The following PABIR3 variants were observed in gnomAD, a reference collection of about 807,000 sequenced individuals.
PABIR3 encodes PABIR family member 3.
A neutral mutation model predicts 23.1 loss-of-function variants in PABIR3; 20 were observed. The ratio of observed to expected loss-of-function variants is 0.86; its 90% CI spans 0.61 to 1.26. PABIR3 has a LOEUF of 1.26. Ranked by LOEUF, PABIR3 falls within the 50% of genes most tolerant of loss-of-function variation. PABIR3 has a pLI of 0.00. For missense variants in PABIR3, 189 were observed against 195.4 expected (o/e 0.97, Z 0.20); for synonymous variants, 69 against 68.5 (o/e 1.01, Z -0.04).
At chrX:134,840,667 G>A (rs746137184) in intron 4 of PABIR3, among the ~76,000 whole-genome samples, 11 of 110,809 alleles carry the variant, frequency 9.9e-5, no homozygotes, top group Non-Finnish European at 1.9e-4. Flanking sequence ...CTCCAAAGCC[G>A]GGGTCCTGAC....
At chrX:134,803,505 C>T (rs1040723225), upstream of PABIR3, among the ~76,000 whole-genome samples, 1 of 112,333 alleles carries the variant, frequency 8.9e-6, no homozygotes, top group Admixed American at 9.4e-5. Context: ...TTCAATTATC[C>T]CATACTAAAC....
chrX:134,835,845 T>A (rs917862861), intron 4 of PABIR3: 5 of 110,799 alleles, frequency 4.5e-5, no homozygotes, highest in African/African-American at 1.3e-4. Context: ...TTAATTAATT[T>A]ATTTATTTCT....
chrX:134,859,075 A>G (rs1209118885), downstream of PABIR3, among the ~76,000 whole-genome samples: 1 of 111,636 alleles, frequency 9.0e-6, no homozygotes, highest in Non-Finnish European at 1.9e-5. Context: ...ATTAGTAAGT[A>G]TAGGAGTCAG....
At chrX:134,814,306 A>G (rs2080844239) in intron 2 of PABIR3, among the ~76,000 whole-genome samples, 1 of 112,053 alleles carries the variant, frequency 8.9e-6, no homozygotes, top group African/African-American at 3.2e-5. Context: ...AGACTTGTTT[A>G]GGCCCAGCCA....
intron 2 of PABIR3, among the ~76,000 whole-genome samples, chrX:134,814,449 G>T (rs2080852811): frequency 8.9e-6 from 1 of 111,931 alleles, no homozygotes; most frequent in Non-Finnish European, 1.9e-5. Context: ...TGTAATCCCA[G>T]CACTTTGGTG....
At chrX:134,860,847 T>C in the PABIR3 span, among the ~76,000 whole-genome samples, 2 of 111,934 alleles carry the variant, frequency 1.8e-5, no homozygotes, top group Admixed American at 9.5e-5. Flanking sequence ...ACAGGATAAA[T>C]ATTATTTCAC....
At chrX:134,831,109 C>T (rs913613202) in intron 4 of PABIR3, among the ~76,000 whole-genome samples, 1 of 108,835 alleles carries the variant, frequency 9.2e-6, no homozygotes, top group Non-Finnish European at 1.9e-5. Context: ...CTCTGTCACC[C>T]AGGCGGGAGT....
At chrX:134,853,211 C>T (rs2082696580) in intron 10 of PABIR3, among the ~76,000 whole-genome samples, 1 of 110,616 alleles carries the variant, frequency 9.0e-6, no homozygotes, top group African/African-American at 3.3e-5. Context: ...ACCACAGTAG[C>T]TGTGCACCAC....
intron 3 of PABIR3, among the ~76,000 whole-genome samples, chrX:134,823,796 A>T (rs1413617405): frequency 9.0e-6 from 1 of 110,724 alleles, no homozygotes; most frequent in East Asian, 2.8e-4. Flanking sequence ...TGAAAGTTTG[A>T]TTATTTTTAT....
chrX:134,847,395 T>A lies in PABIR3; in HGVS notation c.358T>A (p.Leu120Ile). Residue 120 changes from leucine (L) to isoleucine (I), a missense_variant, in exon 7 of 11, where the codon TTA becomes ATA. Coordinates refer to ENST00000645433, the MANE Select transcript of PABIR3 (RefSeq NM_001388447.1). ...EEGLKLNDNG[L>I]QKSSSLKCID... ...TCTGCTTACACAGAATGACAATGGC[T>A]TACAGAAATCATCCTCTCTAAAGTG... 1 of 1,204,720 alleles carries A rather than the reference T, an allele frequency of 8.3e-7. No individual in the cohort carries two copies. Among genetic ancestry groups the A allele is most frequent in the African/African-American group, 1.7e-5 (1 of 57,734 alleles).
upstream of PABIR3, chrX:134,804,230 T>C (rs1227956284): frequency 7.8e-6 from 9 of 1,149,334 alleles, no homozygotes; most frequent in South Asian, 1.3e-4. Context: ...GAAGGACTGA[T>C]CAAGAAACAC....
chrX:134,838,156 A>T (rs1163136823), intron 4 of PABIR3, among the ~76,000 whole-genome samples: 2 of 111,198 alleles, frequency 1.8e-5, no homozygotes, highest in Non-Finnish European at 3.8e-5. Context: ...ACTGTATCCA[A>T]TTAGGCTTCT....
chrX:134,808,480 A>G (rs1266639786), intron 2 of PABIR3, among the ~76,000 whole-genome samples: 1 of 111,837 alleles, frequency 8.9e-6, no homozygotes, highest in African/African-American at 3.3e-5. Flanking sequence ...TCCCGGGTTC[A>G]CGCCATTCTC....
intron 3 of PABIR3, chrX:134,821,494 G>A (rs1020550222): frequency 2.8e-5 from 32 of 1,151,872 alleles, no homozygotes; most frequent in Non-Finnish European, 3.4e-5. Flanking sequence ...TGCTCAAGCC[G>A]GATGTCACTG....
upstream of PABIR3, chrX:134,807,054 G>A: frequency 2.3e-6 from 1 of 431,806 alleles, no homozygotes. Context: ...AAAGAGGAAG[G>A]AGGGCAGGAC....
At chrX:134,818,840 A>G (rs375229176) in intron 3 of PABIR3, among the ~76,000 whole-genome samples, 13 of 110,792 alleles carry the variant, frequency 1.2e-4, no homozygotes, top group African/African-American at 4.3e-4. Context: ...GTAATAGTAC[A>G]TATAGTCAGC....
intron 4 of PABIR3, among the ~76,000 whole-genome samples, chrX:134,831,137 G>T (rs925093037): frequency 3.7e-5 from 4 of 109,092 alleles, no homozygotes; most frequent in African/African-American, 1.0e-4. Context: ...TGCTGTCTCA[G>T]CTCACTACAA....
intron 4 of PABIR3, among the ~76,000 whole-genome samples, chrX:134,839,843 C>T (rs1454759427): frequency 1.8e-5 from 2 of 112,170 alleles, no homozygotes; most frequent in Non-Finnish European, 3.8e-5. Flanking sequence ...CCCGGCCAGC[C>T]GCCCCGTCTG....
intron 3 of PABIR3, among the ~76,000 whole-genome samples, chrX:134,817,617 G>A (rs1396084634): frequency 9.2e-6 from 1 of 108,725 alleles, no homozygotes; most frequent in Non-Finnish European, 1.9e-5. Flanking sequence ...TTGAAGTCCT[G>A]GAAAAGGAAG....
Sources: allele counts gnomAD v4.1 joint callset (sites outside exome capture counted in the v4.1 genomes callset), GRCh38; gene constraint gnomAD v4.1.1; transcripts MANE v1.5; gene names NCBI Gene and HGNC (gene_info 2026-07-23, HGNC 2026-07-21).